Variants in CAMK4 observed in about 807,000 individuals in gnomAD.
CAMK4 encodes calcium/calmodulin-dependent protein kinase type IV.
In CAMK4, 22 loss-of-function variants were observed where a neutral mutation model predicts 44.9. The observed-to-expected ratio is 0.49, with a 90% confidence interval of 0.35 to 0.70. The LOEUF (loss-of-function observed/expected upper bound fraction) is 0.70, where lower values mean the gene tolerates loss of function less well. CAMK4 is among the 30% of genes least tolerant of loss of function. The probability of loss-of-function intolerance (pLI) is 0.01; values close to 1 mark genes in which losing one functional copy is unlikely to be tolerated. For synonymous variants in CAMK4, 218 were observed against 215.4 expected (o/e 1.01, Z -0.11); for missense variants, 498 against 586.8 (o/e 0.85, Z 1.56).
At chr5:111,440,170 A>G (rs1753776176) in intron 5 of CAMK4, among the ~76,000 whole-genome samples, 1 of 152,030 alleles carries the variant, frequency 6.6e-6, no homozygotes. Context: ...GATGCAAGGG[A>G]ACAAAGAGGA....
At chr5:111,257,307 A>G (rs1038465443) in intron 1 of CAMK4, among the ~76,000 whole-genome samples, 7 of 152,240 alleles carry the variant, frequency 4.6e-5, no homozygotes, top group African/African-American at 1.7e-4. Flanking sequence ...ATTTACAAGA[A>G]AAAAACAACC....
chr5:111,343,808 G>A (rs1749747548), intron 1 of CAMK4, among the ~76,000 whole-genome samples: 1 of 151,652 alleles, frequency 6.6e-6, no homozygotes, highest in East Asian at 1.9e-4. Context: ...AGAAGGAAAA[G>A]AGCAAGCTGG....
chr5:111,454,647 C>CAAA (rs66917170), intron 7 of CAMK4, among the ~76,000 whole-genome samples: 13 of 114,534 alleles, frequency 1.1e-4, no homozygotes, highest in African/African-American at 3.5e-4. Context: ...GTCACACAGA[C>CAAA]AAAAAAAAAA....
At chr5:111,448,924 C>G (rs1230682735) in intron 6 of CAMK4, among the ~76,000 whole-genome samples, 2 of 152,184 alleles carry the variant, frequency 1.3e-5, no homozygotes, top group Non-Finnish European at 2.9e-5. Flanking sequence ...ATTTGGAAGT[C>G]ATATTTTTCT....
intron 10 of CAMK4, 128 bp downstream of exon 10, chr5:111,483,065 A>T: frequency 1.3e-6 from 1 of 782,196 alleles, no homozygotes; most frequent in South Asian, 3.8e-5. Context: ...CACCAGGGAA[A>T]ATCCTGCTTT....
chr5:111,258,740 C>CGT (rs201959904), intron 1 of CAMK4, among the ~76,000 whole-genome samples: 17,352 of 139,108 alleles, frequency 0.12, 1,101 homozygotes, highest in South Asian at 0.14. Context: ...GAGTTATCAG[C>CGT]GTGTGTGTGT....
At position 111,493,869 on chromosome 5, in the gene CAMK4, T is replaced by A. The variant is rs1330751636; in HGVS notation, c.*9403T>A. ...TGGCGGCATTATTCCTGAAGACAAA[T>A]GAAGGAAGATAGGGAGCAAGATTGA... is the stretch of plus-strand genomic sequence containing the variant. On this transcript the variant is annotated 3_prime_UTR_variant, in exon 11 of 11. Coordinates refer to ENST00000282356, the MANE Select transcript of CAMK4 (RefSeq NM_001744.6). The surrounding 1 kb of genome is among the most constrained non-coding windows in gnomAD (Gnocchi z 4.1). 6.6e-6 allele frequency: 1 copy of A among 152,080 alleles called. No homozygotes were observed. Among genetic ancestry groups the A allele is most frequent in the Non-Finnish European group, 1.5e-5 (1 of 68,014 alleles). The allele number at this position is 152,080 out of a possible 1,614,324, so 9.4% of individuals were successfully genotyped here.
intron 1 of CAMK4, among the ~76,000 whole-genome samples, chr5:111,274,518 A>G (rs1224616715): frequency 6.6e-6 from 1 of 152,198 alleles, no homozygotes; most frequent in Non-Finnish European, 1.5e-5. Flanking sequence ...ATTTGTTTCC[A>G]AGTTACACTA....
intron 7 of CAMK4, among the ~76,000 whole-genome samples, chr5:111,467,908 C>T (rs1754901770): frequency 6.8e-6 from 1 of 146,846 alleles, no homozygotes; most frequent in African/African-American, 2.5e-5. Context: ...AAATGGCTAT[C>T]AATCAGTGAG....
At chr5:111,345,166 G>A (rs73788814) in intron 2 of CAMK4, among the ~76,000 whole-genome samples, 3,702 of 151,874 alleles carry the variant, frequency 0.024, 157 homozygotes, top group African/African-American at 0.084. Context: ...ATACTACAAG[G>A]TTTTCAGCTA....
chr5:111,353,886 G>A (rs548171983), intron 2 of CAMK4, among the ~76,000 whole-genome samples: 1 of 152,076 alleles, frequency 6.6e-6, no homozygotes, highest in Non-Finnish European at 1.5e-5. Flanking sequence ...TGGAGTGAAA[G>A]AATTAATATT....
intron 1 of CAMK4, among the ~76,000 whole-genome samples, chr5:111,332,546 G>C (rs535742434): frequency 6.6e-6 from 1 of 151,686 alleles, no homozygotes; most frequent in African/African-American, 2.4e-5. Context: ...ACATATGTGT[G>C]CATGTGTCTT....
At chr5:111,338,349 TC>T (rs958233737) in intron 1 of CAMK4, among the ~76,000 whole-genome samples, 9 of 151,218 alleles carry the variant, frequency 6.0e-5, no homozygotes, top group Non-Finnish European at 1.0e-4. Flanking sequence ...AACATTTGTA[TC>T]CTTTGAGTAA....
intron 7 of CAMK4, among the ~76,000 whole-genome samples, chr5:111,472,472 T>C (rs1462710597): frequency 1.3e-5 from 2 of 152,188 alleles, no homozygotes; most frequent in African/African-American, 2.4e-5. Context: ...TTACTTTCCC[T>C]TTTCTTCTGT....
At chr5:111,244,381 G>A (rs888037107) in intron 1 of CAMK4, among the ~76,000 whole-genome samples, 2 of 152,046 alleles carry the variant, frequency 1.3e-5, no homozygotes, top group African/African-American at 4.8e-5. Context: ...TGTTCACCTT[G>A]TAAAAAATCT....
At chr5:111,328,752 T>C (rs2913712) in intron 1 of CAMK4, among the ~76,000 whole-genome samples, 63,512 of 151,732 alleles carry the variant, frequency 0.42, 13,829 homozygotes, top group South Asian at 0.56. Context: ...GATTCCTAGG[T>C]ATTTTATTCT....
intron 2 of CAMK4, among the ~76,000 whole-genome samples, chr5:111,347,182 T>G (rs567353229): frequency 6.6e-6 from 1 of 152,144 alleles, no homozygotes; most frequent in African/African-American, 2.4e-5. Flanking sequence ...AAAGGAATGT[T>G]AAGATCTAGC....
At chr5:111,250,033 A>G (rs559560916) in intron 1 of CAMK4, among the ~76,000 whole-genome samples, 110 of 152,272 alleles carry the variant, frequency 7.2e-4, no homozygotes, top group African/African-American at 2.6e-3. Context: ...CATTTCATAC[A>G]GGCAGGAAGT....
intron 5 of CAMK4, among the ~76,000 whole-genome samples, chr5:111,398,891 A>G (rs960637987): frequency 3.3e-5 from 5 of 152,140 alleles, no homozygotes; most frequent in Admixed American, 1.3e-4. Context: ...TCTCCAAATT[A>G]TAACCCAAAT....
Sources: allele counts gnomAD v4.1 joint callset (sites outside exome capture counted in the v4.1 genomes callset), GRCh38; gene constraint gnomAD v4.1.1; non-coding constraint Gnocchi (gnomAD v3.1); transcripts MANE v1.5; gene names NCBI Gene and HGNC (gene_info 2026-07-23, HGNC 2026-07-21).